Variants in MYO1D observed in about 807,000 individuals in gnomAD.
The protein encoded by MYO1D is unconventional myosin-Id.
Under a neutral mutation model 122.0 loss-of-function variants are expected in MYO1D, and 83 were observed. That is an observed-to-expected ratio of 0.68 (90% CI 0.57 to 0.82). The LOEUF (loss-of-function observed/expected upper bound fraction) is 0.82. MYO1D is among the 40% of genes least tolerant of loss of function. The pLI, the probability that MYO1D is intolerant of heterozygous loss-of-function variation, is 0.00. For synonymous variants in MYO1D, 464 were observed against 446.9 expected, an observed-to-expected ratio of 1.04 and a Z score of -0.48; for missense variants, 1,157 against 1,269.5, an observed-to-expected ratio of 0.91 and a Z score of 1.35.
At chr17:32,586,729 T>A (rs2087389389) in intron 21 of MYO1D, among the ~76,000 whole-genome samples, 1 of 152,228 alleles carries the variant, frequency 6.6e-6, no homozygotes, top group African/African-American at 2.4e-5. Flanking sequence ...TTACATATAA[T>A]TTTTGCATCT....
intron 21 of MYO1D, among the ~76,000 whole-genome samples, chr17:32,554,889 G>C (rs933284320): frequency 1.3e-5 from 2 of 152,272 alleles, no homozygotes; most frequent in East Asian, 3.9e-4. Flanking sequence ...ATTAAATCTA[G>C]TGCAAAGTGA....
rs144649600 is a variant in MYO1D, at chr17:32,806,337, G to A, written c.96-25553C>T. Among the ~76,000 whole-genome samples, 715 of 152,204 alleles carry A rather than the reference G, an allele frequency of 4.7e-3. 8 individuals are homozygous for A. The highest frequency in any genetic ancestry group is 0.016 in the African/African-American group (684 of 41,514). On this transcript the variant is annotated intron_variant, in intron 1 of 21. Coordinates refer to ENST00000318217, the MANE Select transcript of MYO1D (RefSeq NM_015194.3). ...TGTTATGTTGTTTGTTTTTCAATTAGAGTTTAAATTTATTTTTTAAATGTA... is the reference window on the plus strand; with the variant it reads ...TGTTATGTTGTTTGTTTTTCAATTAAAGTTTAAATTTATTTTTTAAATGTA...
At chr17:32,688,303 CA>C (rs1392994825) in intron 16 of MYO1D, among the ~76,000 whole-genome samples, 1 of 152,194 alleles carries the variant, frequency 6.6e-6, no homozygotes, top group African/African-American at 2.4e-5. Flanking sequence ...CACACTTGAT[CA>C]TAATAGATAT....
chr17:32,643,596 G>A (rs1327187910), intron 19 of MYO1D, among the ~76,000 whole-genome samples: 1 of 152,106 alleles, frequency 6.6e-6, no homozygotes, highest in Non-Finnish European at 1.5e-5. Flanking sequence ...CTCAATTTCA[G>A]ATCCTGTTAT....
At chr17:32,677,969 A>G (rs1405363761) in intron 16 of MYO1D, among the ~76,000 whole-genome samples, 1 of 152,088 alleles carries the variant, frequency 6.6e-6, no homozygotes, top group Non-Finnish European at 1.5e-5. Flanking sequence ...GAAAACCAAA[A>G]CCTAAACTCC....
intron 1 of MYO1D, among the ~76,000 whole-genome samples, chr17:32,852,297 T>C (rs2090996046): frequency 6.6e-6 from 1 of 152,090 alleles, no homozygotes; most frequent in African/African-American, 2.4e-5. Flanking sequence ...GGCTAGTTTT[T>C]GTATATTTTG....
At chr17:32,700,603 C>T (rs376295160) in intron 16 of MYO1D, among the ~76,000 whole-genome samples, 6 of 148,540 alleles carry the variant, frequency 4.0e-5, no homozygotes, top group East Asian at 2.0e-4. Context: ...TCTTTATATT[C>T]CAAAAAGGAG....
intron 21 of MYO1D, among the ~76,000 whole-genome samples, chr17:32,509,513 G>GC (rs1192323659): frequency 6.6e-6 from 1 of 152,150 alleles, no homozygotes; most frequent in Non-Finnish European, 1.5e-5. Flanking sequence ...TAATGGAGAC[G>GC]AGCAGACACT....
chr17:32,778,676 A>G, intron 2 of MYO1D, 103 bp from the exon 3 acceptor site: 1 of 1,047,926 alleles, frequency 9.5e-7, no homozygotes, highest in Non-Finnish European at 1.4e-6. Context: ...GATGCATTTA[A>G]AATCCCACAT....
At chr17:32,789,540 A>G (rs2090330102) in intron 1 of MYO1D, among the ~76,000 whole-genome samples, 1 of 152,240 alleles carries the variant, frequency 6.6e-6, no homozygotes, top group Admixed American at 6.5e-5. Context: ...CATTACTGTC[A>G]TAAGTTGAAC....
At chr17:32,827,982 C>T (rs544213519) in intron 1 of MYO1D, among the ~76,000 whole-genome samples, 2 of 152,310 alleles carry the variant, frequency 1.3e-5, no homozygotes, top group East Asian at 3.9e-4. Context: ...GTCAGAACCA[C>T]ACCAATGGCA....
chr17:32,562,057 C>T (rs59788713), intron 21 of MYO1D, among the ~76,000 whole-genome samples: 40,542 of 151,488 alleles, frequency 0.27, 6,306 homozygotes, highest in African/African-American at 0.43. Context: ...GTGGCACAAT[C>T]ACAGCTCACT....
chr17:32,861,716 C>T (rs2470221), intron 1 of MYO1D, among the ~76,000 whole-genome samples: 79,168 of 151,884 alleles, frequency 0.52, 21,268 homozygotes, highest in East Asian at 0.73. Context: ...AGAAACTGAG[C>T]CTATCTAAAA....
At chr17:32,708,226 T>C (rs2640829) in intron 16 of MYO1D, among the ~76,000 whole-genome samples, 2 of 152,110 alleles carry the variant, frequency 1.3e-5, no homozygotes, top group African/African-American at 2.4e-5. Context: ...ATCATAGAAA[T>C]ACACTCATAT....
At chr17:32,774,842 T>C (rs747088979) in intron 4 of MYO1D, among the ~76,000 whole-genome samples, 1 of 152,214 alleles carries the variant, frequency 6.6e-6, no homozygotes, top group Non-Finnish European at 1.5e-5. Context: ...CCATAAAGGA[T>C]GCTATGGCCT....
chr17:32,790,628 CT>C (rs2090341302), intron 1 of MYO1D, among the ~76,000 whole-genome samples: 1 of 152,168 alleles, frequency 6.6e-6, no homozygotes, highest in African/African-American at 2.4e-5. Flanking sequence ...AACTTTTATT[CT>C]AGAAAAATAC....
intron 6 of MYO1D, among the ~76,000 whole-genome samples, chr17:32,769,837 A>AT (rs368827032): frequency 5.3e-5 from 8 of 152,160 alleles, no homozygotes; most frequent in African/African-American, 1.9e-4. Context: ...TTTTTGATAA[A>AT]AAGGGAATCT....
At chr17:32,597,709 T>C (rs1042276644) in intron 21 of MYO1D, among the ~76,000 whole-genome samples, 27 of 151,432 alleles carry the variant, frequency 1.8e-4, no homozygotes, top group African/African-American at 6.5e-4. Context: ...CCATCTCTAC[T>C]AAAACTATAA....
intron 21 of MYO1D, among the ~76,000 whole-genome samples, chr17:32,592,016 T>C (rs1326716577): frequency 6.6e-6 from 1 of 152,254 alleles, no homozygotes; most frequent in Non-Finnish European, 1.5e-5. Flanking sequence ...TATTTAATCA[T>C]GTTTGTTTTG....
Sources: gnomAD v4.1 joint callset for allele counts (sites outside exome capture counted in the v4.1 genomes callset) on GRCh38, gnomAD v4.1.1 for gene constraint, MANE v1.5 for transcripts, NCBI Gene and HGNC (gene_info 2026-07-23, HGNC 2026-07-21) for gene names.